CNTNAP2: variants seen among roughly 807,000 people sequenced by gnomAD.
CNTNAP2 encodes contactin associated protein 2.
A neutral mutation model predicts 155.2 loss-of-function variants in CNTNAP2; 98 were observed. The ratio of observed to expected loss-of-function variants is 0.63; its 90% confidence interval spans 0.54 to 0.75. CNTNAP2 has a LOEUF of 0.75. Among genes scored for constraint, CNTNAP2 ranks in the 30% least tolerant of loss-of-function variants. The pLI is 0.00. For missense variants in CNTNAP2, 1,727 were observed against 1,688.1 expected, an observed-to-expected ratio of 1.02 and a Z score of -0.40; for synonymous variants, 651 against 631.2, an observed-to-expected ratio of 1.03 and a Z score of -0.47.
At chr7:147,999,328 G>A (rs1404421925) in intron 15 of CNTNAP2, among the ~76,000 whole-genome samples, 8 of 152,028 alleles carry the variant, frequency 5.3e-5, no homozygotes, top group Non-Finnish European at 8.8e-5. Context: ...CGCCCACCTC[G>A]GCCTCCCAAA....
intron 13 of CNTNAP2, chr7:147,672,147 A>T (rs1479500222): frequency 1.3e-5 from 2 of 152,330 alleles, no homozygotes; most frequent in East Asian, 3.9e-4. Context: ...AGTTGAGATG[A>T]TATGTCAAAT....
At chr7:147,864,986 G>T (rs570480389) in intron 13 of CNTNAP2, among the ~76,000 whole-genome samples, 1 of 152,306 alleles carries the variant, frequency 6.6e-6, no homozygotes, top group African/African-American at 2.4e-5. Context: ...GATGAGAGAA[G>T]ACATCCTTGT....
At chr7:147,900,246 T>C (rs1004093931) in intron 13 of CNTNAP2, among the ~76,000 whole-genome samples, 2 of 152,148 alleles carry the variant, frequency 1.3e-5, no homozygotes, top group Non-Finnish European at 2.9e-5. Context: ...AAATCTCATA[T>C]TGAATTGTAA....
At chr7:148,289,809 G>A (rs1366066040) in intron 21 of CNTNAP2, among the ~76,000 whole-genome samples, 1 of 152,180 alleles carries the variant, frequency 6.6e-6, no homozygotes, top group Non-Finnish European at 1.5e-5. Context: ...GCTGTTGGGG[G>A]AGGCAGCAAC....
intron 13 of CNTNAP2, among the ~76,000 whole-genome samples, chr7:147,794,871 C>T (rs768165095): frequency 1.3e-5 from 2 of 151,408 alleles, no homozygotes; most frequent in Non-Finnish European, 3.0e-5. Flanking sequence ...AATTTGTTGG[C>T]ATATATTAGT....
At chr7:147,751,011 G>A (rs970911919) in intron 13 of CNTNAP2, among the ~76,000 whole-genome samples, 1 of 152,080 alleles carries the variant, frequency 6.6e-6, no homozygotes, top group Non-Finnish European at 1.5e-5. Context: ...CTGCACTCCA[G>A]CCCGGGGGAC....
chr7:147,940,073 C>G (rs1800690142), intron 14 of CNTNAP2: 1 of 151,954 alleles, frequency 6.6e-6, no homozygotes, highest in South Asian at 2.1e-4. Context: ...TTGTTTTGAG[C>G]CCAGGAGTTC....
intron 11 of CNTNAP2, among the ~76,000 whole-genome samples, chr7:147,509,392 A>C (rs1203315869): frequency 6.6e-6 from 1 of 152,222 alleles, no homozygotes; most frequent in Admixed American, 6.5e-5. Flanking sequence ...TGCTTGTCAT[A>C]TAATGAATGG....
chr7:147,487,537 G>A (rs562647474), intron 11 of CNTNAP2, among the ~76,000 whole-genome samples: 1 of 152,050 alleles, frequency 6.6e-6, no homozygotes, highest in Non-Finnish European at 1.5e-5. Flanking sequence ...TTAATTACAC[G>A]GGATCTTGTT....
chr7:147,128,608 T>G, intron 6 of CNTNAP2, 85 bp from the exon 7 acceptor site: 1 of 1,481,328 alleles, frequency 6.8e-7, no homozygotes, highest in South Asian at 1.1e-5. Context: ...GAGGTATAGA[T>G]ACTTGACCTT....
At chr7:146,243,125 T>G (rs1433824820) in intron 1 of CNTNAP2, among the ~76,000 whole-genome samples, 1 of 152,150 alleles carries the variant, frequency 6.6e-6, no homozygotes, top group Non-Finnish European at 1.5e-5. Context: ...ATTTCATTAT[T>G]TGATTAGTTA....
chr7:147,548,954 C>T (rs536588863), intron 11 of CNTNAP2, among the ~76,000 whole-genome samples: 8 of 152,214 alleles, frequency 5.3e-5, no homozygotes, highest in African/African-American at 1.9e-4. Context: ...TGTTCTGTTC[C>T]ATTGGTCTAT....
chr7:147,252,804 A>G (rs1312442633), intron 8 of CNTNAP2, among the ~76,000 whole-genome samples: 1 of 152,202 alleles, frequency 6.6e-6, no homozygotes, highest in East Asian at 1.9e-4. Flanking sequence ...TCCCAATTAC[A>G]CAATTACTCT....
chr7:147,830,273 G>T (rs1364643971), intron 13 of CNTNAP2, among the ~76,000 whole-genome samples: 1 of 152,064 alleles, frequency 6.6e-6, no homozygotes, highest in African/African-American at 2.4e-5. Flanking sequence ...GGTGGATCTG[G>T]TGTCTGGTGA....
chr7:146,555,779 G>T (rs1188474107), intron 1 of CNTNAP2, among the ~76,000 whole-genome samples: 1 of 152,172 alleles, frequency 6.6e-6, no homozygotes, highest in Non-Finnish European at 1.5e-5. Context: ...GCATCAGAAG[G>T]ACTGAGTACA....
At chr7:147,724,624 G>A (rs1434445405) in intron 13 of CNTNAP2, among the ~76,000 whole-genome samples, 1 of 151,994 alleles carries the variant, frequency 6.6e-6, no homozygotes, top group Non-Finnish European at 1.5e-5. Context: ...CAGTAGGAAT[G>A]CTCTATGATT....
intron 1 of CNTNAP2, among the ~76,000 whole-genome samples, chr7:146,141,329 G>T (rs181994386): frequency 6.6e-6 from 1 of 152,060 alleles, no homozygotes; most frequent in Non-Finnish European, 1.5e-5. Context: ...TATATTATTC[G>T]TGTAGATCAC....
At chr7:148,150,619 C>T (rs1345072443) in intron 17 of CNTNAP2, among the ~76,000 whole-genome samples, 2 of 152,118 alleles carry the variant, frequency 1.3e-5, no homozygotes, top group Non-Finnish European at 2.9e-5. Context: ...CACTTATCTC[C>T]AAACTATTCA....
At chr7:146,616,368 A>T (rs866209165) in intron 1 of CNTNAP2, among the ~76,000 whole-genome samples, 1 of 152,326 alleles carries the variant, frequency 6.6e-6, no homozygotes, top group Middle Eastern at 3.4e-3. Flanking sequence ...ATGAATAAAT[A>T]AAAAATATTT....
Sources: gnomAD v4.1 joint callset for allele counts (sites outside exome capture counted in the v4.1 genomes callset) on GRCh38, gnomAD v4.1.1 for gene constraint, MANE v1.5 for transcripts, NCBI Gene and HGNC (gene_info 2026-07-23, HGNC 2026-07-21) for gene names.